The following STK3 variants were observed in gnomAD, a reference collection of about 807,000 sequenced individuals.
STK3 encodes serine/threonine-protein kinase 3.
Under a neutral mutation model 58.0 loss-of-function variants are expected in STK3, and 41 were observed. The ratio of observed to expected loss-of-function variants is 0.71; its 90% CI spans 0.55 to 0.92. The LOEUF is 0.92. Among genes scored for constraint, STK3 ranks in the 40% least tolerant of loss-of-function variants. The pLI is 0.00. For missense variants in STK3, 479 were observed against 602.7 expected, an observed-to-expected ratio of 0.79 and a Z score of 2.15; for synonymous variants, 170 against 191.0, an observed-to-expected ratio of 0.89 and a Z score of 0.91.
chr8:98,684,955 T>C (rs1307291549), intron 6 of STK3, among the ~76,000 whole-genome samples: 1 of 152,208 alleles, frequency 6.6e-6, no homozygotes, highest in Non-Finnish European at 1.5e-5. Flanking sequence ...ATGTATATTT[T>C]GTTTCACTTA....
chr8:98,530,192 C>T (rs1403642382), intron 9 of STK3, among the ~76,000 whole-genome samples: 2 of 152,126 alleles, frequency 1.3e-5, no homozygotes, highest in Non-Finnish European at 2.9e-5. Flanking sequence ...GTCAGGGGTA[C>T]ATGTGCAGAT....
At chr8:98,598,926 T>C (rs779263756) in intron 6 of STK3, 6 of 983,838 alleles carry the variant, frequency 6.1e-6, no homozygotes, top group South Asian at 4.7e-5. Context: ...CAACTAATTA[T>C]CTTCATGCCT....
chr8:98,881,626 C>G (rs541353371), downstream of STK3: 1 of 152,006 alleles, frequency 6.6e-6, no homozygotes, highest in African/African-American at 2.4e-5. Context: ...GGGGGAGAAA[C>G]AAGAAGAGAT....
chr8:98,705,789 T>C (rs1272065224), intron 6 of STK3, among the ~76,000 whole-genome samples: 8 of 152,192 alleles, frequency 5.3e-5, no homozygotes, highest in East Asian at 3.8e-4. Context: ...CTTATCTATA[T>C]GATTCACATA....
intron 7 of STK3, among the ~76,000 whole-genome samples, chr8:98,590,287 T>C (rs576787680): frequency 6.6e-6 from 1 of 152,324 alleles, no homozygotes; most frequent in East Asian, 1.9e-4. Context: ...AATATAAATT[T>C]CTGAGCCTCA....
At chr8:98,714,598 G>A (rs1286946055) in intron 4 of STK3, among the ~76,000 whole-genome samples, 1 of 152,094 alleles carries the variant, frequency 6.6e-6, no homozygotes, top group African/African-American at 2.4e-5. Context: ...CCTCTTTAAG[G>A]AGAACTATAA....
intron 3 of STK3, among the ~76,000 whole-genome samples, chr8:98,835,226 GC>G (rs1182461678): frequency 1.3e-5 from 2 of 152,122 alleles, no homozygotes; most frequent in Non-Finnish European, 2.9e-5. Flanking sequence ...AAATGAGTAT[GC>G]CATTTGTGAT....
chr8:98,616,662 C>T (rs887348741), intron 6 of STK3, among the ~76,000 whole-genome samples: 4 of 150,102 alleles, frequency 2.7e-5, no homozygotes, highest in African/African-American at 7.4e-5. Flanking sequence ...GGTTGCAATC[C>T]TAGTCTCTGA....
chr8:98,603,931 ATTAAG>A (rs1816569863), intron 6 of STK3, among the ~76,000 whole-genome samples: 2 of 152,320 alleles, frequency 1.3e-5, no homozygotes, highest in South Asian at 4.1e-4. Context: ...TGAAGATAAG[ATTAAG>A]TTAAAAGTCT....
At chr8:98,782,949 C>T (rs1832195388) in intron 1 of STK3, among the ~76,000 whole-genome samples, 1 of 149,824 alleles carries the variant, frequency 6.7e-6, no homozygotes. Context: ...TTTATGTAAA[C>T]CATAAACCCA....
chr8:98,740,487 C>A (rs1312937273), intron 4 of STK3, among the ~76,000 whole-genome samples: 3 of 152,086 alleles, frequency 2.0e-5, no homozygotes, highest in African/African-American at 4.8e-5. Context: ...TCATATCCAG[C>A]CAAACTAAGC....
chr8:98,477,117 TTCC>T (rs1821377807), intron 10 of STK3, among the ~76,000 whole-genome samples: 1 of 152,164 alleles, frequency 6.6e-6, no homozygotes. Context: ...AACCCTTATC[TTCC>T]TCGTTACTTC....
chr8:98,919,554 G>A (rs949149214), intron 1 of STK3, among the ~76,000 whole-genome samples: 1 of 152,196 alleles, frequency 6.6e-6, no homozygotes, highest in African/African-American at 2.4e-5. Flanking sequence ...GTGATAGGGA[G>A]TAAGTTACAT....
At chr8:98,751,456 C>T (rs1829977822) in intron 3 of STK3, among the ~76,000 whole-genome samples, 1 of 152,070 alleles carries the variant, frequency 6.6e-6, no homozygotes, top group Non-Finnish European at 1.5e-5. Flanking sequence ...TCCTATATAC[C>T]AACAACAGTC....
intron 1 of STK3, among the ~76,000 whole-genome samples, chr8:98,821,661 C>CAA (rs769163769): frequency 1.1e-5 from 1 of 94,668 alleles, no homozygotes; most frequent in Non-Finnish European, 2.2e-5. Context: ...GACCCAATCT[C>CAA]AAAAAAAAAA....
intron 1 of STK3, among the ~76,000 whole-genome samples, chr8:98,915,548 T>C (rs992195654): frequency 6.7e-6 from 1 of 149,930 alleles, no homozygotes; most frequent in Non-Finnish European, 1.5e-5. Context: ...GGTATAGTAC[T>C]TAATATACAC....
Position 98,800,999 on chromosome 8 carries a change from C to T in STK3, c.26+24516G>A, listed in dbSNP as rs568989041. ...CGCACAGTGCGGGACTGGCAGGCAG[C>T]TCCACCCGTGGCCCTGGCATGGGAT... On this transcript the variant is annotated intron_variant, in intron 1 of 10. Transcript: ENST00000419617. The surrounding 1 kb of genome is among the most constrained non-coding windows in gnomAD (Gnocchi z 4.8). 1.3e-5 allele frequency among the ~76,000 whole-genome samples: 2 copies of T among 152,376 alleles called. No individual in the cohort carries two copies. Among genetic ancestry groups the T allele is most frequent in the Admixed American group, 1.3e-4 (2 of 15,314 alleles).
chr8:98,712,740 A>G (rs1228666168), intron 4 of STK3, among the ~76,000 whole-genome samples: 4 of 152,198 alleles, frequency 2.6e-5, no homozygotes, highest in African/African-American at 7.2e-5. Context: ...CAGAAAGTTA[A>G]CAAGGATATC....
At chr8:98,671,256 G>T (rs932189402) in intron 6 of STK3, among the ~76,000 whole-genome samples, 2 of 152,000 alleles carry the variant, frequency 1.3e-5, no homozygotes. Flanking sequence ...TTTGTAAATA[G>T]AAGGGCTAAC....
Sources: gnomAD v4.1 joint callset for allele counts (sites outside exome capture counted in the v4.1 genomes callset) on GRCh38, gnomAD v4.1.1 for gene constraint, Gnocchi (gnomAD v3.1) non-coding constraint, MANE v1.5 for transcripts, NCBI Gene and HGNC (gene_info 2026-07-23, HGNC 2026-07-21) for gene names.